The following CGGBP1 variants were observed in gnomAD, a reference collection of about 807,000 sequenced individuals.
CGGBP1 encodes the protein CGG triplet repeat-binding protein 1.
CGGBP1 carries 4 observed loss-of-function variants against 11.4 expected under a neutral mutation model. The ratio of observed to expected loss-of-function variants is 0.35; its 90% CI spans 0.17 to 0.80. The LOEUF (loss-of-function observed/expected upper bound fraction) is 0.80. CGGBP1 is among the 30% of genes least tolerant of loss of function. The pLI is 0.52. For synonymous variants in CGGBP1, 76 were observed against 74.1 expected, an observed-to-expected ratio of 1.03 and a Z score of -0.13; for missense variants, 135 against 202.1, an observed-to-expected ratio of 0.67 and a Z score of 2.01.
chr3:88,129,320 G>GGA (rs1706300538), intron 2 of CGGBP1, among the ~76,000 whole-genome samples: 2 of 50,584 alleles, frequency 4.0e-5, no homozygotes, highest in Admixed American at 2.7e-4. Context: ...CTTGCCAGGA[G>GGA]TAAAAAAAAA....
intron 2 of CGGBP1, among the ~76,000 whole-genome samples, chr3:88,116,926 G>C (rs1419397350): frequency 2.0e-5 from 3 of 152,180 alleles, no homozygotes; most frequent in Non-Finnish European, 4.4e-5. Flanking sequence ...TCTAGGTAAA[G>C]ATGACTAAAG....
chr3:88,059,473 A>T (rs1706711009), upstream of CGGBP1: 3 of 1,517,016 alleles, frequency 2.0e-6, no homozygotes, highest in Non-Finnish European at 2.6e-6. Flanking sequence ...CGTCGGAATC[A>T]GCAGTCGGGA....
At chr3:88,094,507 G>A (rs1388864829) in intron 2 of CGGBP1, among the ~76,000 whole-genome samples, 4 of 152,024 alleles carry the variant, frequency 2.6e-5, no homozygotes, top group African/African-American at 9.7e-5. Flanking sequence ...AGAATCTAGA[G>A]GGCTGTAGAT....
chr3:88,134,734 A>G (rs1475072430), intron 2 of CGGBP1, among the ~76,000 whole-genome samples: 1 of 152,076 alleles, frequency 6.6e-6, no homozygotes, highest in Non-Finnish European at 1.5e-5. Flanking sequence ...ATTAAAGGCC[A>G]AAGTTTATTA....
chr3:88,060,327 ATGT>A (rs1236582879), upstream of CGGBP1, among the ~76,000 whole-genome samples: 5 of 152,236 alleles, frequency 3.3e-5, no homozygotes, highest in East Asian at 7.7e-4. Context: ...CAGGGGTTTG[ATGT>A]TGTTCAAAGT....
rs1338465918 is a variant in CGGBP1 at position 88,137,892 on chromosome 3, G to GATAT, written c.-229+3074_-229+3077dup. ...ATACTATACCATATGTAGGCAGTAT[G>GATAT]ATATATATACATATATATGATGTTA... On this transcript the variant is annotated intron_variant, in intron 2 of 3. Transcript: ENST00000462901. Among the ~76,000 whole-genome samples the GATAT allele has an allele frequency of 5.7e-3, 858 of 151,812 alleles. 5 individuals are homozygous for GATAT. The highest frequency in any genetic ancestry group is 0.02 in the African/African-American group (828 of 41,376).
At chr3:88,104,304 C>T (rs1704607110) in intron 2 of CGGBP1, among the ~76,000 whole-genome samples, 1 of 152,112 alleles carries the variant, frequency 6.6e-6, no homozygotes, top group South Asian at 2.1e-4. Flanking sequence ...TAAAACATAA[C>T]TGATCATCTA....
At chr3:88,121,771 C>T (rs1471474463) in intron 2 of CGGBP1, among the ~76,000 whole-genome samples, 1 of 152,036 alleles carries the variant, frequency 6.6e-6, no homozygotes, top group African/African-American at 2.4e-5. Flanking sequence ...TAATATTAAC[C>T]ATATTGAAGA....
At chr3:88,125,468 A>G (rs550933133) in intron 2 of CGGBP1, among the ~76,000 whole-genome samples, 1 of 151,750 alleles carries the variant, frequency 6.6e-6, no homozygotes, top group African/African-American at 2.4e-5. Flanking sequence ...GGACAAATTC[A>G]CAACTATTGC....
At chr3:88,133,062 C>T (rs1370718177) in intron 2 of CGGBP1, among the ~76,000 whole-genome samples, 3 of 152,110 alleles carry the variant, frequency 2.0e-5, no homozygotes, top group Admixed American at 2.0e-4. Context: ...TGCTGTAGAC[C>T]AGCAGGAACA....
At chr3:88,078,429 A>C (rs181959380) in intron 2 of CGGBP1, among the ~76,000 whole-genome samples, 87 of 152,282 alleles carry the variant, frequency 5.7e-4, no homozygotes, top group Admixed American at 1.4e-3. Flanking sequence ...TTTAAATCTC[A>C]TCCCAGGATA....
chr3:88,070,213 T>C (rs1446998865), intron 2 of CGGBP1, among the ~76,000 whole-genome samples: 1 of 152,190 alleles, frequency 6.6e-6, no homozygotes, highest in Non-Finnish European at 1.5e-5. Context: ...TGAGGAATTA[T>C]AAATTTGGAC....
chr3:88,097,576 T>TTA (rs1704136847), intron 2 of CGGBP1, among the ~76,000 whole-genome samples: 1 of 152,094 alleles, frequency 6.6e-6, no homozygotes, highest in South Asian at 2.1e-4. Context: ...GACCACATAA[T>TTA]TGGAAGTAAA....
chr3:88,131,969 A>G (rs766069041), intron 2 of CGGBP1, among the ~76,000 whole-genome samples: 3 of 152,102 alleles, frequency 2.0e-5, no homozygotes, highest in Non-Finnish European at 4.4e-5. Context: ...TCCCAAACCA[A>G]TGGGGCAAGT....
intron 2 of CGGBP1, among the ~76,000 whole-genome samples, chr3:88,071,273 G>C (rs1472018744): frequency 6.6e-6 from 1 of 152,146 alleles, no homozygotes; most frequent in Non-Finnish European, 1.5e-5. Context: ...ACTTTGGGAG[G>C]CCAAGGTGGG....
chr3:88,137,669 A>G (rs1472921506), intron 2 of CGGBP1, among the ~76,000 whole-genome samples: 1 of 152,162 alleles, frequency 6.6e-6, no homozygotes, highest in African/African-American at 2.4e-5. Context: ...AGTGGGGAGA[A>G]AAACCTTCAG....
intron 2 of CGGBP1, among the ~76,000 whole-genome samples, chr3:88,097,905 A>G (rs1043583247): frequency 6.6e-6 from 1 of 152,204 alleles, no homozygotes; most frequent in African/African-American, 2.4e-5. Context: ...TGACACCCTA[A>G]TATCACAATT....
At chr3:88,116,482 C>T (rs1191441811) in intron 2 of CGGBP1, among the ~76,000 whole-genome samples, 3 of 151,764 alleles carry the variant, frequency 2.0e-5, no homozygotes, top group Non-Finnish European at 4.4e-5. Context: ...ATCACACCAT[C>T]GCACTCCATC....
chr3:88,081,749 G>A (rs1249698989), intron 2 of CGGBP1, among the ~76,000 whole-genome samples: 1 of 152,020 alleles, frequency 6.6e-6, no homozygotes, highest in African/African-American at 2.4e-5. Context: ...GGCTCATCTT[G>A]TGTTTTCCCT....
Sources: gnomAD v4.1 joint callset for allele counts (sites outside exome capture counted in the v4.1 genomes callset) on GRCh38, gnomAD v4.1.1 for gene constraint, MANE v1.5 for transcripts, NCBI Gene and HGNC (gene_info 2026-07-23, HGNC 2026-07-21) for gene names.